The following GSN variants were observed in gnomAD, a reference collection of about 807,000 sequenced individuals.
The protein encoded by GSN is gelsolin.
In GSN, 56 loss-of-function variants were observed where a neutral mutation model predicts 85.7. That is an observed-to-expected ratio of 0.65 (90% confidence interval 0.53 to 0.82). The LOEUF (loss-of-function observed/expected upper bound fraction) is 0.82, where lower values mean the gene tolerates loss of function less well. Among genes scored for constraint, GSN ranks in the 40% least tolerant of loss-of-function variants. The probability of loss-of-function intolerance (pLI) is 0.00; values close to 1 mark genes in which losing one functional copy is unlikely to be tolerated. For synonymous variants in GSN, 373 were observed against 399.1 expected (o/e 0.93, Z 0.78); for missense variants, 857 against 979.8 (o/e 0.87, Z 1.67).
chr9:121,316,341 A>G (rs1012726241), intron 7 of GSN, among the ~76,000 whole-genome samples: 1 of 152,242 alleles, frequency 6.6e-6, no homozygotes, highest in African/African-American at 2.4e-5. Context: ...AGAAATTAAC[A>G]TTGCTTCAGT....
chr9:121,299,967 C>A lies in GSN; in HGVS notation c.-9-1996C>A. ...GGCCACTGCGTCGCGGGGGGCGTCCCAGGCGGGGGCGCCCCAGGGGCGGGT... is the reference window on the plus strand; with the variant it reads ...GGCCACTGCGTCGCGGGGGGCGTCCAAGGCGGGGGCGCCCCAGGGGCGGGT... On this transcript the variant is annotated intron_variant, in intron 2 of 17. Transcript: ENST00000432226. This position sits in a 1 kb window ranked among gnomAD's most constrained non-coding sequence, Gnocchi z 4.2. 1 of 1,310,168 alleles carries A rather than the reference C, an allele frequency of 7.6e-7. No homozygotes were observed. Among genetic ancestry groups the A allele is most frequent in the South Asian group, 2.9e-5 (1 of 34,678 alleles). The allele number at this position is 1,310,168 out of a possible 1,614,324, so 81.2% of individuals were successfully genotyped here.
chr9:121,330,342 G>A (rs958220283), intron 16 of GSN, among the ~76,000 whole-genome samples: 1 of 152,234 alleles, frequency 6.6e-6, no homozygotes, highest in Non-Finnish European at 1.5e-5. Context: ...AGAGGCTGAG[G>A]TGGGCAGATC....
intron 2 of GSN, among the ~76,000 whole-genome samples, chr9:121,291,345 A>C (rs980591846): frequency 6.6e-6 from 1 of 151,214 alleles, no homozygotes; most frequent in African/African-American, 2.4e-5. Context: ...TATCTGAGGG[A>C]GGTCCTGGAA....
chr9:121,316,555 C>T (rs1026707037), intron 7 of GSN, among the ~76,000 whole-genome samples: 7 of 152,130 alleles, frequency 4.6e-5, no homozygotes, highest in Non-Finnish European at 7.3e-5. Flanking sequence ...ACTATAGCCC[C>T]GACATCCTGG....
intron 14 of GSN, among the ~76,000 whole-genome samples, chr9:121,327,692 G>C (rs903642956): frequency 4.0e-5 from 6 of 150,240 alleles, no homozygotes; most frequent in Non-Finnish European, 7.3e-5. Context: ...GGAGAGCCTA[G>C]CCTGGGCGTG....
At chr9:121,250,886 TG>T (rs1349986685) in intron 6 of GSN, among the ~76,000 whole-genome samples, 11 of 148,826 alleles carry the variant, frequency 7.4e-5, no homozygotes, top group Non-Finnish European at 4.5e-5. Flanking sequence ...TGTGTGTGTG[TG>T]TGTGTGTGTG....
rs762471492 is a variant in GSN, at chr9:121,310,726, G to A, written c.394G>A (p.Glu132Lys). 5.6e-6 allele frequency: 9 copies of A among 1,614,166 alleles called. No individual in the cohort carries two copies. The highest frequency in any genetic ancestry group is 3.3e-5 in the Admixed American group (2 of 60,028). The change falls in exon 5 of 18, where the codon GAG becomes AAG. Residue 132 changes from glutamate (E) to lysine (K), a missense_variant. Transcript: ENST00000432226. ...AGGATTCAAGCACGTGGTACCCAAC[G>A]AGGTGGTGGTGCAGAGACTCTTCCA... is the stretch of plus-strand genomic sequence containing the variant. ...ASGFKHVVPN[E>K]VVVQRLFQVK...
At chr9:121,213,237 A>T (rs1373667452) in intron 4 of GSN, among the ~76,000 whole-genome samples, 2 of 152,212 alleles carry the variant, frequency 1.3e-5, no homozygotes, top group African/African-American at 4.8e-5. Flanking sequence ...CGGAGGAGTG[A>T]CAAATGGCTC....
At chr9:121,238,763 A>G (rs1416464852) in intron 5 of GSN, 11 of 486,336 alleles carry the variant, frequency 2.3e-5, no homozygotes, top group Non-Finnish European at 2.1e-5. Flanking sequence ...GAGGACCCTG[A>G]AAAATAAAGT....
rs186351262 is a variant in GSN, at chr9:121,329,307, T to A, written c.1957T>A (p.Trp653Arg). Residue 653 changes from tryptophan (W) to arginine (R), a missense_variant, in exon 16 of 18, where the codon TGG becomes AGG. By Grantham distance (101) the Trp-to-Arg change is moderately radical (BLOSUM62 -3). Transcript: ENST00000432226. This position sits in a 1 kb window ranked among gnomAD's most constrained non-coding sequence, Gnocchi z 4.6. ...ATDDVMLLDT[W>R]DQVFVWVGKD... ...GGATGACGTCATGCTTCTGGACACC[T>A]GGGACCAGGTGGGTGAAGGACAGGT... 2 of 1,588,742 alleles carry A rather than the reference T, an allele frequency of 1.3e-6. No individual in the cohort carries two copies. The highest frequency in any genetic ancestry group is 2.7e-5 in the African/African-American group (2 of 74,546).
intron 4 of GSN, among the ~76,000 whole-genome samples, chr9:121,211,735 A>C (rs1259555746): frequency 6.6e-6 from 1 of 152,074 alleles, no homozygotes; most frequent in Admixed American, 6.5e-5. Flanking sequence ...TTTCAGACCA[A>C]AGGACCACAG....
At chr9:121,202,117 C>T in the GSN span, among the ~76,000 whole-genome samples, 9 of 152,206 alleles carry the variant, frequency 5.9e-5, no homozygotes, top group African/African-American at 1.9e-4. Flanking sequence ...CGCGTGTCCT[C>T]GCCTCTTGGG....
rs1433042030 is a variant in GSN, at chr9:121,329,922, A to C, written c.1965+607A>C. Reference sequence around the variant, plus strand: ...GCTCTCCCAGGGCTTACGTTCTCACAGGGGTGTCAGGTCAGTCACCTTTCC... The same window carrying C: ...GCTCTCCCAGGGCTTACGTTCTCACCGGGGTGTCAGGTCAGTCACCTTTCC... On this transcript the variant is annotated intron_variant, in intron 16 of 17. Coordinates refer to ENST00000432226, the MANE Select transcript of GSN (RefSeq NM_198252.3). The surrounding 1 kb of genome is among the most constrained non-coding windows in gnomAD (Gnocchi z 4.6). Among the ~76,000 whole-genome samples the C allele has an allele frequency of 1.3e-5, 2 of 152,236 alleles. No homozygotes were observed. The highest frequency in any genetic ancestry group is 4.8e-5 in the African/African-American group (2 of 41,464).
At chr9:121,228,883 G>T (rs879627604) in intron 4 of GSN, among the ~76,000 whole-genome samples, 1 of 152,022 alleles carries the variant, frequency 6.6e-6, no homozygotes, top group South Asian at 2.1e-4. Context: ...ACACATGCTC[G>T]CTCTGTTTCT....
chr9:121,238,872 A>G, intron 5 of GSN: 1 of 531,364 alleles, frequency 1.9e-6, no homozygotes, highest in Non-Finnish European at 3.9e-6. Context: ...ATCCTTCCCA[A>G]TAGCTTGCCT....
chr9:121,324,439 T>C, intron 11 of GSN, 115 bp from the exon 12 acceptor site: 1 of 661,578 alleles, frequency 1.5e-6, no homozygotes. Context: ...CCCTTCCCTC[T>C]CTATCTGTTT....
intron 6 of GSN, among the ~76,000 whole-genome samples, chr9:121,251,245 G>A (rs986787452): frequency 1.6e-5 from 2 of 122,690 alleles, no homozygotes; most frequent in African/African-American, 6.4e-5. Context: ...GCAGTGGCAT[G>A]ATCTCAGTTC....
At chr9:121,280,322 G>C (rs115540517) in intron 1 of GSN, 1 of 152,238 alleles carries the variant, frequency 6.6e-6, no homozygotes, top group Admixed American at 6.5e-5. Context: ...ATGTGGGATG[G>C]TCCTTCATCC....
rs369548874 is a variant in GSN at position 121,329,219 on chromosome 9, C to G, written c.1888-19C>G. On this transcript the variant is annotated intron_variant, in intron 15 of 17. Transcript: ENST00000432226. This position sits in a 1 kb window ranked among gnomAD's most constrained non-coding sequence, Gnocchi z 4.6. ...GGGGAGGGAAGACATCTCACTGATG[C>G]TCTTTCGTTCCTTCCCAGATCGAAG... 16 of 1,584,454 alleles carry G rather than the reference C, an allele frequency of 1.0e-5. No homozygotes were observed. The African/African-American group carries it at 1.9e-4, about 19-fold the overall frequency.
Sources: gnomAD v4.1 joint callset for allele counts (sites outside exome capture counted in the v4.1 genomes callset) on GRCh38, gnomAD v4.1.1 for gene constraint, Gnocchi (gnomAD v3.1) non-coding constraint, MANE v1.5 for transcripts, NCBI Gene and HGNC (gene_info 2026-07-23, HGNC 2026-07-21) for gene names.